SPNS2: variants seen among roughly 807,000 people sequenced by gnomAD.
SPNS2 encodes sphingosine-1-phosphate transporter SPNS2.
A neutral mutation model predicts 57.6 loss-of-function variants in SPNS2; 37 were observed. The ratio of observed to expected loss-of-function variants is 0.64; its 90% CI spans 0.49 to 0.85. The LOEUF is 0.85. Among genes scored for constraint, SPNS2 ranks in the 40% least tolerant of loss-of-function variants. The pLI is 0.00. For missense variants in SPNS2, 831 were observed against 779.1 expected, an observed-to-expected ratio of 1.07 and a Z score of -0.79; for synonymous variants, 440 against 346.9, an observed-to-expected ratio of 1.27 and a Z score of -2.98.
At chr17:4,503,728 C>T (rs548381885) in intron 1 of SPNS2, among the ~76,000 whole-genome samples, 10 of 152,348 alleles carry the variant, frequency 6.6e-5, no homozygotes, top group African/African-American at 2.2e-4. Context: ...CCTGGGGCAG[C>T]CTGGGCACTT....
At chr17:4,502,336 C>T (rs1158190659) in intron 1 of SPNS2, among the ~76,000 whole-genome samples, 1 of 151,024 alleles carries the variant, frequency 6.6e-6, no homozygotes, top group Admixed American at 6.6e-5. Context: ...GCCAAGATCG[C>T]GCCACTGTAC....
At position 4,533,105 on chromosome 17, in the gene SPNS2, G is replaced by A. The variant is rs1905574552; in HGVS notation, c.1064G>A (p.Ser355Asn). 2.5e-6 allele frequency: 4 copies of A among 1,611,906 alleles called. No homozygotes were observed. The highest frequency in any genetic ancestry group is 2.2e-5 in the East Asian group (1 of 44,854). ...CAGAAGACAGCAGAGACGTGCAACA[G>A]CCCGCCCTGTGGGGCCAAGGACAGG... ...VVQKTAETCN[S>N]PPCGAKDSLI... is the part of the protein sequence containing the mutation. Residue 355 changes from serine to asparagine, a missense_variant, in exon 7 of 13, where the codon AGC becomes AAC. Around this residue, in one of 2 missense-constraint regions of SPNS2, gnomAD observed 526 missense variants for 400.9 expected, o/e 1.31. Transcript: ENST00000329078.
In SPNS2 at chr17:4,499,784, C is replaced by T. The variant is rs555065965; in HGVS notation, c.370+367C>T. 535 of 181,100 alleles carry T rather than the reference C, an allele frequency of 3.0e-3. 2 individuals are homozygous for T. The highest frequency in any genetic ancestry group is 0.012 in the African/African-American group (505 of 42,664). The allele number at this position is 181,100 out of a possible 1,614,324, so 11.2% of individuals were successfully genotyped here. A position where few individuals can be genotyped will look rare whatever the true frequency, so the allele number is the denominator to read the frequency against. On this transcript the variant is annotated intron_variant, in intron 1 of 12. Transcript: ENST00000329078. The surrounding 1 kb of genome is among the most constrained non-coding windows in gnomAD (Gnocchi z 5.2). ...CCCTCCGACCCCAGCTGCCGGTTCC[C>T]GGGCCTCCTTCCCTTCCCTTCCCCC...
At chr17:4,517,099 T>C (rs1204279317) in intron 2 of SPNS2, among the ~76,000 whole-genome samples, 1 of 152,152 alleles carries the variant, frequency 6.6e-6, no homozygotes, top group African/African-American at 2.4e-5. Flanking sequence ...AGCTTCCTGA[T>C]TCCAAGCTGT....
In SPNS2 at chr17:4,533,294, G is replaced by C. The variant is rs200103064; in HGVS notation, c.1140G>C (p.Thr380=). ...TTACGGGATTTCTGGGCGTGGTCAC[G>C]GGGGCAGGAGCCACGCGCTGGTGCC... ...TCFTGFLGVV[T]GAGATRWCRL... The change falls in exon 8 of 13, where the codon ACG becomes ACC. Residue 380 remains threonine, a synonymous_variant. Coordinates refer to ENST00000329078, the MANE Select transcript of SPNS2 (RefSeq NM_001124758.3). 4 of 1,610,592 alleles carry C rather than the reference G, an allele frequency of 2.5e-6. No homozygotes were observed. Among genetic ancestry groups the C allele is most frequent in the East Asian group, 2.2e-5 (1 of 44,818 alleles).
At chr17:4,505,896 T>G (rs1420738124) in intron 1 of SPNS2, among the ~76,000 whole-genome samples, 1 of 152,202 alleles carries the variant, frequency 6.6e-6, no homozygotes. Flanking sequence ...CCACGAGGTC[T>G]TCGTGATTCC....
Position 4,533,096 on chromosome 17 carries a change from C to G in SPNS2, c.1055C>G (p.Thr352Arg), listed in dbSNP as rs773671931. The G allele has an allele frequency of 6.2e-7, 1 of 1,612,430 alleles. No individual in the cohort carries two copies. The highest frequency in any genetic ancestry group is 8.5e-7 in the Non-Finnish European group (1 of 1,179,538). The change falls in exon 7 of 13, where the codon ACG (threonine) becomes AGG (arginine). Residue 352 changes from threonine (T) to arginine (R), a missense_variant. Thr to Arg is a moderately conservative substitution (Grantham distance 71, BLOSUM62 -1). Coordinates refer to ENST00000329078, the MANE Select transcript of SPNS2 (RefSeq NM_001124758.3). ...CAAGTTGTGCAGAAGACAGCAGAGACGTGCAACAGCCCGCCCTGTGGGGCC... is the reference window on the plus strand; with the variant it reads ...CAAGTTGTGCAGAAGACAGCAGAGAGGTGCAACAGCCCGCCCTGTGGGGCC... ...RAQVVQKTAETCNSPPCGAKD... is the reference protein window; with the variant it reads ...RAQVVQKTAERCNSPPCGAKD...
rs2057771209 is a variant in SPNS2, at chr17:4,498,965, C to T, written c.-83C>T. ...CCCGACCAGGATGGTGCAGTGGCGG[C>T]TCCGCGGCGCACGCACGCGCTGAGC... On this transcript the variant is annotated 5_prime_UTR_variant, in exon 1 of 13. Coordinates refer to ENST00000329078, the MANE Select transcript of SPNS2 (RefSeq NM_001124758.3). 5 of 910,042 alleles carry T rather than the reference C, an allele frequency of 5.5e-6. No homozygotes were observed. Among genetic ancestry groups the T allele is most frequent in the Non-Finnish European group, 6.6e-6 (5 of 762,044 alleles). The allele number at this position is 910,042 out of a possible 1,614,324, so 56.4% of individuals were successfully genotyped here.
At position 4,538,567 on chromosome 17, in the gene SPNS2, C is replaced by T. The variant is rs1906009951; in HGVS notation, c.*1119C>T. 2.7e-6 allele frequency: 1 copy of T among 369,956 alleles called. No individual in the cohort carries two copies. The highest frequency in any genetic ancestry group is 5.0e-6 in the Non-Finnish European group (1 of 199,550). 22.9% of individuals were successfully genotyped at this position (369,956 alleles called of 1,614,324 possible). ...CCAGCCCCAACCCGCTTTGGGGGAG[C>T]TTAGCCCCCTGCGTCACCCACTCCC... On this transcript the variant is annotated 3_prime_UTR_variant, in exon 13 of 13. Coordinates refer to ENST00000329078, the MANE Select transcript of SPNS2 (RefSeq NM_001124758.3).
chr17:4,533,929 C>A, intron 9 of SPNS2, 76 bp downstream of exon 9: 1 of 634,256 alleles, frequency 1.6e-6, no homozygotes, highest in Admixed American at 2.0e-5. Flanking sequence ...CTGGGGAGGG[C>A]GGGTGAAGGG....
rs372909694 is a variant in SPNS2, at chr17:4,536,352, C to G, written c.1533C>G (p.Val511=). Residue 511 remains valine, a synonymous_variant, in exon 11 of 13, where the codon GTC becomes GTG. Coordinates refer to ENST00000329078, the MANE Select transcript of SPNS2 (RefSeq NM_001124758.3). ...LGYALMLCPF[V]VVLGGMFFLA... The stretch of plus-strand genomic sequence containing the variant: ...ACGCGCTCATGCTCTGCCCTTTCGT[C>G]GTGGTCCTGGGCGGCATGTTCTTCC... 6 of 1,610,952 alleles carry G rather than the reference C, an allele frequency of 3.7e-6. No individual in the cohort carries two copies. In the East Asian group the frequency reaches 1.3e-4, roughly 36 times the overall value.
chr17:4,499,189 G>T lies in SPNS2; in HGVS notation c.142G>T (p.Ala48Ser). ...CTGCGGGGCGCGGGGCGCGGGCGGC[G>T]CTGGAGTCTCGGCCGCGGGCGATGA... The part of the protein sequence containing the change: ...GCCGARGAGG[A>S]GVSAAGDEVQ... The change falls in exon 1 of 13, where the codon GCT (alanine) becomes TCT (serine). Residue 48 changes from alanine to serine, a missense_variant. By Grantham distance (99) the Ala-to-Ser change is moderately conservative. Coordinates refer to ENST00000329078, the MANE Select transcript of SPNS2 (RefSeq NM_001124758.3). This position sits in a 1 kb window ranked among gnomAD's most constrained non-coding sequence, Gnocchi z 5.2. 1 of 1,346,420 alleles carries T rather than the reference G, an allele frequency of 7.4e-7. No homozygotes were observed. The highest frequency in any genetic ancestry group is 9.5e-7 in the Non-Finnish European group (1 of 1,049,618). The allele number at this position is 1,346,420 out of a possible 1,614,324, so 83.4% of individuals were successfully genotyped here. A position where few individuals can be genotyped will look rare whatever the true frequency, so the allele number is the denominator to read the frequency against.
chr17:4,536,733 C>G, intron 11 of SPNS2, 167 bp from the exon 12 acceptor site: 3 of 666,400 alleles, frequency 4.5e-6, no homozygotes, highest in Non-Finnish European at 7.9e-6. Flanking sequence ...TTACTCCTCT[C>G]TCTCTCCTCT....
chr17:4,511,626 G>T lies in SPNS2; in HGVS notation c.371-1621G>T, dbSNP rs1904831362. On this transcript the variant is annotated intron_variant, in intron 1 of 12. Coordinates refer to ENST00000329078, the MANE Select transcript of SPNS2 (RefSeq NM_001124758.3). The surrounding 1 kb of genome is among the most constrained non-coding windows in gnomAD (Gnocchi z 4.6). ...CTCTGCCATCCACAGGCCTAGGATT[G>T]GCCCCGGCTTCTACCTTCAAGGCAA... Among the ~76,000 whole-genome samples, 1 of 152,148 alleles carries T rather than the reference G, an allele frequency of 6.6e-6. No individual in the cohort carries two copies. Among genetic ancestry groups the T allele is most frequent in the African/African-American group, 2.4e-5 (1 of 41,418 alleles).
At position 4,499,337 on chromosome 17, in the gene SPNS2, T is replaced by G; in HGVS notation, c.290T>G (p.Leu97Trp). 1.4e-6 allele frequency: 2 copies of G among 1,470,156 alleles called. No homozygotes were observed. The highest frequency in any genetic ancestry group is 1.8e-6 in the Non-Finnish European group (2 of 1,116,270). The allele number at this position is 1,470,156 out of a possible 1,614,324, so 91.1% of individuals were successfully genotyped here. ...GCTCAGCAGCCCAAACCGGCCAGCT[T>G]GGGCCGCGGGCGGGGGGCAGCCGCC... ...PGAQQPKPAS[L>W]GRGRGAAAAI... The change falls in exon 1 of 13, where the codon TTG becomes TGG. Residue 97 changes from leucine (L) to tryptophan (W), a missense_variant. Physicochemically the swap from Leu to Trp is moderately conservative, Grantham distance 61. This residue lies in a region of SPNS2 where 305 missense variants were observed against 378.3 expected (regional missense o/e 0.81). Transcript: ENST00000329078. The surrounding 1 kb of genome is among the most constrained non-coding windows in gnomAD (Gnocchi z 5.2).
At position 4,519,701 on chromosome 17, in the gene SPNS2, TCAAA is replaced by T. The variant is rs145535084; in HGVS notation, c.437-5347_437-5344del. Among the ~76,000 whole-genome samples the T allele has an allele frequency of 3.7e-3, 544 of 148,304 alleles. 1 individual carries two copies. Among genetic ancestry groups the T allele is most frequent in the African/African-American group, 0.012 (492 of 40,238 alleles). On this transcript the variant is annotated intron_variant, in intron 2 of 12. Coordinates refer to ENST00000329078, the MANE Select transcript of SPNS2 (RefSeq NM_001124758.3). Reference sequence around the variant, plus strand: ...TGCCAGTCTGCCCAGAAAGCTCTCCTCAAACAAACAAAGACCACGGGATTGCGGG... The same window carrying T: ...TGCCAGTCTGCCCAGAAAGCTCTCCTCAAACAAAGACCACGGGATTGCGGG...
chr17:4,519,395 G>T (rs1052955134), intron 2 of SPNS2, among the ~76,000 whole-genome samples: 9 of 152,126 alleles, frequency 5.9e-5, no homozygotes, highest in African/African-American at 2.2e-4. Context: ...GCCCGTGGGG[G>T]TTCTGAGCTC....
intron 1 of SPNS2, among the ~76,000 whole-genome samples, chr17:4,505,442 G>A (rs1045742213): frequency 6.6e-6 from 1 of 152,156 alleles, no homozygotes; most frequent in Non-Finnish European, 1.5e-5. Flanking sequence ...TGAGCCTCAG[G>A]GCCTGAGTCT....
At chr17:4,516,043 A>G (rs1373732540) in intron 2 of SPNS2, among the ~76,000 whole-genome samples, 2 of 152,160 alleles carry the variant, frequency 1.3e-5, no homozygotes, top group Non-Finnish European at 2.9e-5. Context: ...CTGGGCGCCT[A>G]TGGCTTACGC....
Sources: gnomAD v4.1 joint callset for allele counts (sites outside exome capture counted in the v4.1 genomes callset) on GRCh38, gnomAD v4.1.1 for gene constraint, gnomAD v4.1.1 regional missense constraint, Gnocchi (gnomAD v3.1) non-coding constraint, MANE v1.5 for transcripts, NCBI Gene and HGNC (gene_info 2026-07-23, HGNC 2026-07-21) for gene names.